Variants in CCT7 observed in about 807,000 individuals in gnomAD.
CCT7 encodes the protein T-complex protein 1 subunit eta.
In CCT7, 16 loss-of-function variants were observed where a neutral mutation model predicts 56.6. The observed-to-expected ratio is 0.28, with a 90% CI of 0.19 to 0.43. CCT7 has a LOEUF of 0.43. Among genes scored for constraint, CCT7 ranks in the 20% least tolerant of loss-of-function variants. The pLI is 1.00. For synonymous variants in CCT7, 262 were observed against 254.8 expected, an observed-to-expected ratio of 1.03 and a Z score of -0.27; for missense variants, 519 against 685.6, an observed-to-expected ratio of 0.76 and a Z score of 2.71.
chr2:73,238,656 T>C (rs1686976125), intron 1 of CCT7, among the ~76,000 whole-genome samples: 1 of 152,244 alleles, frequency 6.6e-6, no homozygotes, highest in African/African-American at 2.4e-5. Context: ...GAAATAGTAT[T>C]TATCCTTACT....
chr2:73,239,076 A>G (rs900414814), intron 1 of CCT7: 3 of 152,398 alleles, frequency 2.0e-5, no homozygotes, highest in African/African-American at 4.8e-5. Flanking sequence ...AAACAGGGCA[A>G]AGGTGCTGTT....
chr2:73,240,525 C>A lies in CCT7; in HGVS notation c.249C>A (p.Ala83=). 2 of 1,602,028 alleles carry A rather than the reference C, an allele frequency of 1.2e-6. No homozygotes were observed. Among genetic ancestry groups the A allele is most frequent in the South Asian group, 2.2e-5 (2 of 89,680 alleles). ...HPAAKTLVDI[A]KSQDAEVGDG... Reference sequence around the variant, plus strand: ...CAGCAAAGACTTTGGTAGACATTGCCAAATCCCAAGATGCTGAGGTAGGAA... The same window carrying A: ...CAGCAAAGACTTTGGTAGACATTGCAAAATCCCAAGATGCTGAGGTAGGAA... Residue 83 remains alanine, a synonymous_variant, in exon 3 of 12, where the codon GCC becomes GCA. Coordinates refer to ENST00000258091, the MANE Select transcript of CCT7 (RefSeq NM_006429.4).
Position 73,252,741 on chromosome 2 carries a change from A to G in CCT7, c.1512A>G (p.Thr504=), listed in dbSNP as rs752390451. Residue 504 remains threonine (T), a synonymous_variant, in exon 12 of 12, where the codon ACA becomes ACG. Transcript: ENST00000258091. ...EPAMVRINAL[T]AASEAACLIV... is the part of the protein sequence containing the mutation. ...CTATGGTGCGGATCAATGCGCTGAC[A>G]GCAGCCTCTGAGGCTGCGTGCCTGA... The G allele has an allele frequency of 1.9e-6, 3 of 1,614,094 alleles. No homozygotes were observed. Among genetic ancestry groups the G allele is most frequent in the Non-Finnish European group, 2.5e-6 (3 of 1,179,936 alleles).
chr2:73,247,387 G>A (rs563634862), intron 6 of CCT7, among the ~76,000 whole-genome samples: 13 of 152,106 alleles, frequency 8.5e-5, no homozygotes, highest in Non-Finnish European at 1.6e-4. Flanking sequence ...CTTTTGTTTT[G>A]CCTTCTTTGT....
Position 73,243,045 on chromosome 2 carries a change from G to A in CCT7, c.309G>A (p.Glu103=), listed in dbSNP as rs1326356390. Residue 103 remains glutamate, a synonymous_variant, in exon 4 of 12, where the codon GAG becomes GAA. Coordinates refer to ENST00000258091, the MANE Select transcript of CCT7 (RefSeq NM_006429.4). ...CCTCAGTGACCTTGCTGGCTGCAGA[G>A]TTTCTGAAGCAGGTGAAACCCTATG... The part of the protein sequence containing the change: ...GTTSVTLLAA[E]FLKQVKPYVE... The A allele has an allele frequency of 6.2e-7, 1 of 1,614,024 alleles. No homozygotes were observed. The highest frequency in any genetic ancestry group is 1.3e-5 in the African/African-American group (1 of 75,060).
At chr2:73,240,596 T>C in intron 3 of CCT7, 53 bp downstream of exon 3, 1 of 1,040,162 alleles carries the variant, frequency 9.6e-7, no homozygotes, top group Non-Finnish European at 1.4e-6. Flanking sequence ...GCTTGCTTGC[T>C]CCTTAGTTCT....
At chr2:73,241,215 A>G (rs1429571280) in intron 3 of CCT7, among the ~76,000 whole-genome samples, 1 of 152,176 alleles carries the variant, frequency 6.6e-6, no homozygotes, top group Non-Finnish European at 1.5e-5. Context: ...CAAAATATGT[A>G]TACTACAGGT....
chr2:73,247,733 C>G (rs1687404720), intron 6 of CCT7, 29 bp from the exon 7 acceptor site: 1 of 1,607,804 alleles, frequency 6.2e-7, no homozygotes, highest in African/African-American at 1.3e-5. Context: ...TAGTACCAAA[C>G]CATTAAAGTG....
chr2:73,249,003 A>G lies in CCT7; in HGVS notation c.796A>G (p.Ile266Val). The change falls in exon 8 of 12, where the codon ATT (isoleucine) becomes GTT (valine). Residue 266 changes from isoleucine to valine, a missense_variant. Physicochemically the swap from Ile to Val is conservative, Grantham distance 29. Around this residue, in one of 3 missense-constraint regions of CCT7, gnomAD observed 276 missense variants for 357.3 expected, o/e 0.77. Transcript: ENST00000258091. ...RVHTVEDYQAIVDAEWNILYD... is the reference protein window; with the variant it reads ...RVHTVEDYQAVVDAEWNILYD... The stretch of plus-strand genomic sequence containing the variant: ...TGGGTCTCTCCAGGATTATCAGGCA[A>G]TTGTTGATGCTGAGTGGAACATTCT... 2 of 1,612,532 alleles carry G rather than the reference A, an allele frequency of 1.2e-6. No homozygotes were observed. The highest frequency in any genetic ancestry group is 1.7e-6 in the Non-Finnish European group (2 of 1,179,584).
Position 73,240,443 on chromosome 2 carries a change from C to A in CCT7, c.167C>A (p.Ala56Glu). ...DKLIVDGRGK[A>E]TISNDGATIL... Reference sequence around the variant, plus strand: ...TTTGTTTGTTTCTTTTAAGGCAAAGCAACAATTTCTAATGATGGGGCCACA... The same window carrying A: ...TTTGTTTGTTTCTTTTAAGGCAAAGAAACAATTTCTAATGATGGGGCCACA... Residue 56 changes from alanine to glutamate, a missense_variant, in exon 3 of 12, where the codon GCA becomes GAA. This residue lies in a region of CCT7 where 276 missense variants were observed against 357.3 expected (regional missense o/e 0.77). Transcript: ENST00000258091. The A allele has an allele frequency of 6.2e-7, 1 of 1,609,386 alleles. No homozygotes were observed. The highest frequency in any genetic ancestry group is 1.1e-5 in the South Asian group (1 of 90,442).
chr2:73,239,908 A>G, intron 2 of CCT7, 112 bp downstream of exon 2: 1 of 905,844 alleles, frequency 1.1e-6, no homozygotes. Context: ...AGATCGTTGA[A>G]AGATGACTCA....
chr2:73,246,513 A>G (rs1350863656), intron 6 of CCT7, among the ~76,000 whole-genome samples: 1 of 152,140 alleles, frequency 6.6e-6, no homozygotes, highest in South Asian at 2.1e-4. Flanking sequence ...CCCTAAATCC[A>G]TTGTACTTAT....
At chr2:73,248,492 AG>A (rs1687440916) in intron 7 of CCT7, among the ~76,000 whole-genome samples, 1 of 152,074 alleles carries the variant, frequency 6.6e-6, no homozygotes, top group Non-Finnish European at 1.5e-5. Context: ...CTGGGATTAC[AG>A]GTATGTGCCA....
chr2:73,241,288 T>C (rs888368049), intron 3 of CCT7, among the ~76,000 whole-genome samples: 2 of 152,130 alleles, frequency 1.3e-5, no homozygotes, highest in African/African-American at 4.8e-5. Flanking sequence ...GTATAGCATA[T>C]ATAAAATTAA....
At chr2:73,241,396 CCTT>C (rs1480462436) in intron 3 of CCT7, among the ~76,000 whole-genome samples, 1 of 129,268 alleles carries the variant, frequency 7.7e-6, no homozygotes, top group East Asian at 2.3e-4. Flanking sequence ...TCTATAGTAA[CCTT>C]TTTTTTTTTG....
chr2:73,242,913 A>C, intron 3 of CCT7, 91 bp from the exon 4 acceptor site: 5 of 1,447,934 alleles, frequency 3.5e-6, no homozygotes, highest in Non-Finnish European at 4.8e-6. Context: ...AATAATATTC[A>C]GTTTAAATGG....
chr2:73,240,009 C>T (rs1687039536), intron 2 of CCT7: 1 of 493,856 alleles, frequency 2.0e-6, no homozygotes. Context: ...CCTGTTGCCT[C>T]ATAGGGAGAC....
intron 6 of CCT7, 105 bp from the exon 7 acceptor site, chr2:73,247,657 T>G (rs1687401458): frequency 1.2e-6 from 1 of 855,694 alleles, no homozygotes; most frequent in Admixed American, 2.4e-5. Flanking sequence ...AAGACATGAT[T>G]AGCTCAGGCT....
Position 73,249,933 on chromosome 2 carries a change from GGCCGA to G in CCT7, c.1070+20_1070+24del. The stretch of plus-strand genomic sequence containing the variant: ...AGGCGAGAGGTGAGCCGTGGGCCCA[GGCCGA>G]GCTCACAAACCTGCCTGGGTCTGGT... On this transcript the variant is annotated intron_variant, in intron 9 of 11. Transcript: ENST00000258091. 6.4e-7 allele frequency: 1 copy of G among 1,568,316 alleles called. No homozygotes were observed. Among genetic ancestry groups the G allele is most frequent in the Non-Finnish European group, 8.8e-7 (1 of 1,138,194 alleles).
Sources: gnomAD v4.1 joint callset for allele counts (sites outside exome capture counted in the v4.1 genomes callset) on GRCh38, gnomAD v4.1.1 for gene constraint, gnomAD v4.1.1 regional missense constraint, MANE v1.5 for transcripts, NCBI Gene and HGNC (gene_info 2026-07-23, HGNC 2026-07-21) for gene names.